Variants in SAA2 observed in about 807,000 individuals in gnomAD.
The protein encoded by SAA2 is serum amyloid A2.
A neutral mutation model predicts 9.1 loss-of-function variants in SAA2; 5 were observed. The observed-to-expected ratio is 0.55, with a 90% CI of 0.29 to 1.16. The LOEUF (loss-of-function observed/expected upper bound fraction) is 1.16. Among genes scored for constraint, SAA2 ranks in the 50% most tolerant of loss-of-function variants. SAA2 has a pLI of 0.09. For synonymous variants in SAA2, 49 were observed against 59.8 expected (o/e 0.82, Z 0.83); for missense variants, 94 against 153.8 (o/e 0.61, Z 2.06).
chr11:18,243,772 C>A (rs1425532337), downstream of SAA2, among the ~76,000 whole-genome samples: 7 of 152,150 alleles, frequency 4.6e-5, no homozygotes, highest in Admixed American at 4.6e-4. Context: ...AACTAGTCTT[C>A]TCACCTTAGG....
chr11:18,242,569 G>T (rs1269332642), downstream of SAA2: 16 of 527,884 alleles, frequency 3.0e-5, no homozygotes, highest in Admixed American at 1.4e-4. Context: ...CAGTAGGCTG[G>T]GCTCAGTGAC....
intron 2 of SAA2, among the ~76,000 whole-genome samples, chr11:18,247,498 C>A (rs200721538): frequency 7.2e-6 from 1 of 138,130 alleles, no homozygotes; most frequent in African/African-American, 2.8e-5. Context: ...TAACTGACAA[C>A]AATCCTCGAC....
downstream of SAA2, among the ~76,000 whole-genome samples, chr11:18,241,426 CT>C (rs1857342965): frequency 2.0e-5 from 3 of 152,026 alleles, no homozygotes; most frequent in South Asian, 6.2e-4. Context: ...AAAAATATAC[CT>C]GAATGCATGT....
chr11:18,243,619 C>A (rs1171863047), downstream of SAA2, among the ~76,000 whole-genome samples: 1 of 152,198 alleles, frequency 6.6e-6, no homozygotes, highest in African/African-American at 2.4e-5. Context: ...ACCTCCTATA[C>A]CTCCTATACC....
intron 2 of SAA2, 55 bp from the exon 3 acceptor site, chr11:18,246,103 A>G: frequency 6.4e-7 from 1 of 1,554,050 alleles, no homozygotes; most frequent in Non-Finnish European, 8.8e-7. Context: ...AGACTCCAAC[A>G]ACACCTTAGA....
downstream of SAA2, chr11:18,242,289 C>T (rs2445174): frequency 0.89 from 135,460 of 152,668 alleles, 61,451 homozygotes; most frequent in Non-Finnish European, 0.97. Flanking sequence ...CAACTGATCA[C>T]GTAAATCCAA....
downstream of SAA2, chr11:18,240,294 T>C (rs186349113): frequency 2.5e-3 from 1,739 of 702,516 alleles, 6 homozygotes; most frequent in Non-Finnish European, 3.5e-3. Context: ...TTCTCTGAAA[T>C]AATGAGATTT....
At chr11:18,242,554 T>G, downstream of SAA2, 1 of 488,454 alleles carries the variant, frequency 2.0e-6, no homozygotes, top group Non-Finnish European at 3.6e-6. Flanking sequence ...CAAAAATAAA[T>G]ATAACAGTAG....
chr11:18,242,698 T>C (rs1428614851), downstream of SAA2: 2 of 671,518 alleles, frequency 3.0e-6, no homozygotes, highest in Admixed American at 4.3e-5. Flanking sequence ...ATATAAAAAT[T>C]AGGCAAGTGT....
At chr11:18,245,637 G>C in intron 3 of SAA2, 122 bp from the exon 4 acceptor site, 1 of 1,421,874 alleles carries the variant, frequency 7.0e-7, no homozygotes, top group Non-Finnish European at 9.5e-7. Flanking sequence ...AAGGAAGGAG[G>C]AGTGAAAACA....
chr11:18,246,911 G>A (rs543625519), intron 2 of SAA2, among the ~76,000 whole-genome samples: 1 of 152,292 alleles, frequency 6.6e-6, no homozygotes, highest in African/African-American at 2.4e-5. Flanking sequence ...CTGCTGGGGA[G>A]TTGAAGGCAT....
chr11:18,238,999 T>G (rs571058686), downstream of SAA2, among the ~76,000 whole-genome samples: 44 of 152,330 alleles, frequency 2.9e-4, no homozygotes, highest in Non-Finnish European at 5.7e-4. Context: ...CTTTCCCTAC[T>G]TTGGGCTATA....
At chr11:18,240,094 C>T in intron 3 of SAA2, 1 of 1,331,042 alleles carries the variant, frequency 7.5e-7, no homozygotes, top group Non-Finnish European at 1.0e-6. Flanking sequence ...TACTATTCTT[C>T]ATAGGGGAGG....
chr11:18,243,380 T>C (rs375431320), downstream of SAA2, among the ~76,000 whole-genome samples: 8 of 152,188 alleles, frequency 5.3e-5, no homozygotes, highest in South Asian at 2.1e-4. Context: ...ACAACTTCAG[T>C]ACTTGTGACA....
Position 18,247,991 on chromosome 11 carries a change from C to T in SAA2, c.21G>A (p.Leu7=), listed in dbSNP as rs1857646699. Residue 7 remains leucine, a synonymous_variant, in exon 2 of 4, where the codon CTG becomes CTA. Coordinates refer to ENST00000256733, the MANE Select transcript of SAA2 (RefSeq NM_030754.5). ...CACTCAGGACCAAGGAGCAGAAAAC[C>T]AGGCCCGTGAGAAGCTTCATGGTGC... MKLLTG[L]VFCSLVLSVS... is the part of the protein sequence containing the mutation. 2.5e-6 allele frequency: 4 copies of T among 1,613,470 alleles called. No individual in the cohort carries two copies. Among genetic ancestry groups the T allele is most frequent in the Non-Finnish European group, 3.4e-6 (4 of 1,179,768 alleles).
chr11:18,239,791 C>A, exon 4 of SAA2: 1 of 872,044 alleles, frequency 1.1e-6, no homozygotes, highest in Non-Finnish European at 1.7e-6. Context: ...TCTCTTCAGT[C>A]TCCATCCACA....
intron 2 of SAA2, 43 bp downstream of exon 2, chr11:18,247,878 G>T: frequency 6.2e-7 from 1 of 1,613,428 alleles, no homozygotes. Context: ...GGTCCAGGGC[G>T]ATGTTTCTCT....
downstream of SAA2, among the ~76,000 whole-genome samples, chr11:18,240,456 G>A (rs1024310658): frequency 6.6e-6 from 1 of 152,142 alleles, no homozygotes; most frequent in Non-Finnish European, 1.5e-5. Context: ...ATTTTGGGGT[G>A]ACATTCCCTG....
downstream of SAA2, among the ~76,000 whole-genome samples, chr11:18,240,907 A>G (rs1268360704): frequency 1.3e-5 from 2 of 152,192 alleles, no homozygotes; most frequent in African/African-American, 4.8e-5. Context: ...ACAACAAAAG[A>G]AATAGCCAAC....
Sources: gnomAD v4.1 joint callset for allele counts (sites outside exome capture counted in the v4.1 genomes callset) on GRCh38, gnomAD v4.1.1 for gene constraint, MANE v1.5 for transcripts, NCBI Gene and HGNC (gene_info 2026-07-23, HGNC 2026-07-21) for gene names.